Variants in ALK observed in about 807,000 individuals in gnomAD.
ALK encodes the protein ALK receptor tyrosine kinase, also known as ALK tyrosine kinase receptor.
A neutral mutation model predicts 163.1 loss-of-function variants in ALK; 74 were observed. That is an observed-to-expected ratio of 0.45 (90% CI 0.38 to 0.55). The LOEUF is 0.55. ALK is among the 20% of genes least tolerant of loss of function. The pLI is 0.00. For synonymous variants in ALK, 960 were observed against 843.2 expected, an observed-to-expected ratio of 1.14 and a Z score of -2.40; for missense variants, 2,063 against 2,105.3, an observed-to-expected ratio of 0.98 and a Z score of 0.39.
At chr2:29,457,655 G>T (rs141177227) in intron 4 of ALK, among the ~76,000 whole-genome samples, 1 of 152,234 alleles carries the variant, frequency 6.6e-6, no homozygotes, top group Non-Finnish European at 1.5e-5. Flanking sequence ...CTTGGGTTCA[G>T]ATCACGTTTT....
At chr2:29,807,075 G>T (rs1210515078) in intron 1 of ALK, among the ~76,000 whole-genome samples, 2 of 152,230 alleles carry the variant, frequency 1.3e-5, no homozygotes, top group Admixed American at 6.5e-5. Context: ...AATCTGTGCA[G>T]ATTGAAGATG....
At chr2:29,330,946 C>A (rs935708002) in intron 5 of ALK, among the ~76,000 whole-genome samples, 2 of 152,212 alleles carry the variant, frequency 1.3e-5, no homozygotes, top group Admixed American at 6.5e-5. Context: ...CCCTCCAGAA[C>A]TGTAAAAGAA....
chr2:29,204,854 G>C (rs1316655188), intron 26 of ALK, among the ~76,000 whole-genome samples: 1 of 152,206 alleles, frequency 6.6e-6, no homozygotes, highest in Non-Finnish European at 1.5e-5. Flanking sequence ...CTCCCAAAGA[G>C]CTGGGATTAC....
intron 9 of ALK, among the ~76,000 whole-genome samples, chr2:29,290,915 C>T (rs188688246): frequency 3.6e-4 from 55 of 152,086 alleles, no homozygotes; most frequent in Middle Eastern, 6.8e-3. Context: ...AGGCAGGGGC[C>T]GTGCGGGGAA....
intron 4 of ALK, among the ~76,000 whole-genome samples, chr2:29,397,226 A>T (rs188031781): frequency 1.3e-3 from 193 of 152,328 alleles, no homozygotes; most frequent in South Asian, 7.1e-3. Flanking sequence ...ATATGACTAT[A>T]TTCTTATAAA....
chr2:29,555,864 G>C (rs938981148), intron 3 of ALK, among the ~76,000 whole-genome samples: 2 of 152,136 alleles, frequency 1.3e-5, no homozygotes, highest in African/African-American at 4.8e-5. Context: ...TAAAGAAAAG[G>C]AAAAAGATAA....
chr2:29,301,468 T>C (rs1251378957), intron 8 of ALK, among the ~76,000 whole-genome samples: 1 of 152,188 alleles, frequency 6.6e-6, no homozygotes, highest in African/African-American at 2.4e-5. Context: ...ATGAATAAAA[T>C]TGCATATCTA....
intron 1 of ALK, among the ~76,000 whole-genome samples, chr2:29,902,941 A>C (rs927920342): frequency 3.9e-5 from 6 of 152,208 alleles, no homozygotes; most frequent in African/African-American, 1.4e-4. Flanking sequence ...ACCTATGCAT[A>C]TAATCTTATC....
chr2:29,848,483 A>G (rs4074251), intron 1 of ALK, among the ~76,000 whole-genome samples: 42,204 of 152,090 alleles, frequency 0.28, 6,730 homozygotes, highest in East Asian at 0.54. Flanking sequence ...ACTGCTGGAT[A>G]AGTAGAGAAT....
intron 3 of ALK, among the ~76,000 whole-genome samples, chr2:29,583,035 GTTTTTTGT>G (rs1017013924): frequency 2.8e-5 from 3 of 108,032 alleles, no homozygotes; most frequent in African/African-American, 1.0e-4. Context: ...GCTAACTTTT[GTTTTTTGT>G]TTTTTTGTTT....
At chr2:29,374,355 T>C (rs879334717) in intron 5 of ALK, among the ~76,000 whole-genome samples, 9 of 151,930 alleles carry the variant, frequency 5.9e-5, no homozygotes, top group Admixed American at 5.9e-4. Context: ...GGCATCCAAA[T>C]ACATTCAGTC....
chr2:29,898,940 C>T (rs772535088), intron 1 of ALK, among the ~76,000 whole-genome samples: 21 of 152,162 alleles, frequency 1.4e-4, no homozygotes, highest in Non-Finnish European at 2.4e-4. Flanking sequence ...ACCTGGCAGG[C>T]ACTTCCTCCT....
Position 29,618,996 on chromosome 2 carries a change from T to A in ALK, c.952+75854A>T, listed in dbSNP as rs796071314. ...TGCGTCTCAAAAAATAAATAAAAAA[T>A]AAATAAAAAAAAAAAACACTTGAAA... On this transcript the variant is annotated intron_variant, in intron 3 of 28. Transcript: ENST00000389048. 3.0e-4 allele frequency among the ~76,000 whole-genome samples: 25 copies of A among 83,172 alleles called. No individual in the cohort carries two copies. The South Asian group carries it at 0.011, about 38-fold the overall frequency. The allele number at this position is 83,172 out of a possible 152,430, so 54.6% of individuals were successfully genotyped here. A position where few individuals can be genotyped will look rare whatever the true frequency, so the allele number is the denominator to read the frequency against.
chr2:29,380,177 C>T (rs1471497732), intron 5 of ALK, among the ~76,000 whole-genome samples: 1 of 150,526 alleles, frequency 6.6e-6, no homozygotes, highest in African/African-American at 2.4e-5. Context: ...ACGATCTCAG[C>T]TTACTGTAAC....
chr2:29,915,217 T>C (rs1303577402), intron 1 of ALK, among the ~76,000 whole-genome samples: 1 of 152,130 alleles, frequency 6.6e-6, no homozygotes, highest in Non-Finnish European at 1.5e-5. Flanking sequence ...TCAGGCCAGT[T>C]CCTCCTGATT....
At chr2:29,736,850 T>C (rs1287787545) in intron 1 of ALK, among the ~76,000 whole-genome samples, 1 of 152,130 alleles carries the variant, frequency 6.6e-6, no homozygotes, top group East Asian at 1.9e-4. Context: ...TTAATACTTG[T>C]CAAAATTTAT....
At chr2:29,485,352 T>A (rs1259277527) in intron 4 of ALK, among the ~76,000 whole-genome samples, 1 of 152,266 alleles carries the variant, frequency 6.6e-6, no homozygotes, top group Non-Finnish European at 1.5e-5. Flanking sequence ...TTAATTCATT[T>A]TGATTTTATT....
intron 1 of ALK, among the ~76,000 whole-genome samples, chr2:29,914,697 A>G (rs1003565918): frequency 1.3e-5 from 2 of 152,198 alleles, no homozygotes; most frequent in Non-Finnish European, 2.9e-5. Context: ...GATTTCAAGG[A>G]ATTTTTCCAA....
intron 4 of ALK, among the ~76,000 whole-genome samples, chr2:29,468,851 C>T (rs1671276650): frequency 1.7e-5 from 1 of 60,420 alleles, no homozygotes; most frequent in South Asian, 6.9e-4. Context: ...GAGACCCTGC[C>T]TCAAAAAAAA....
Sources: allele counts gnomAD v4.1 joint callset (sites outside exome capture counted in the v4.1 genomes callset), GRCh38; gene constraint gnomAD v4.1.1; transcripts MANE v1.5; gene names NCBI Gene and HGNC (gene_info 2026-07-23, HGNC 2026-07-21).